KSR1: variants seen among roughly 807,000 people sequenced by gnomAD.
The protein encoded by KSR1 is kinase suppressor of ras.
KSR1 carries 35 observed loss-of-function variants against 92.9 expected under a neutral mutation model. The observed-to-expected ratio is 0.38, with a 90% confidence interval of 0.29 to 0.50. The LOEUF is 0.50. Ranked by LOEUF, KSR1 falls within the 20% of genes least tolerant of loss-of-function variation. The pLI, the probability that KSR1 is intolerant of heterozygous loss-of-function variation, is 0.94. For synonymous variants in KSR1, 467 were observed against 472.6 expected (o/e 0.99, Z 0.15); for missense variants, 972 against 1,158.5 (o/e 0.84, Z 2.34).
intron 1 of KSR1, among the ~76,000 whole-genome samples, chr17:27,521,032 G>C (rs192126751): frequency 1.2e-4 from 18 of 152,308 alleles, no homozygotes; most frequent in African/African-American, 4.3e-4. Flanking sequence ...AGCACTTGTG[G>C]CTGTCACCAG....
chr17:27,494,804 C>T (rs180853829), intron 1 of KSR1, among the ~76,000 whole-genome samples: 7 of 152,198 alleles, frequency 4.6e-5, no homozygotes, highest in Non-Finnish European at 8.8e-5. Context: ...TGCCATTGGG[C>T]GGTGTCCCTT....
chr17:27,611,928 G>A (rs1353000940), intron 18 of KSR1, among the ~76,000 whole-genome samples: 1 of 151,608 alleles, frequency 6.6e-6, no homozygotes, highest in Non-Finnish European at 1.5e-5. Context: ...AGAAAGTAAA[G>A]CCCCATGTTA....
rs372635497 is a variant in KSR1, at chr17:27,588,622, C to G, written c.1046+87C>G. ...AGGAGTTCTGGTCACTGTTTCTCAGCGAGCTCTTTGCCTCTGACGGGCCTG... is the reference window on the plus strand; with the variant it reads ...AGGAGTTCTGGTCACTGTTTCTCAGGGAGCTCTTTGCCTCTGACGGGCCTG... On this transcript the variant is annotated intron_variant, in intron 6 of 20. Coordinates refer to ENST00000644974, the MANE Select transcript of KSR1 (RefSeq NM_001394583.1). 3 of 1,243,006 alleles carry G rather than the reference C, an allele frequency of 2.4e-6. No homozygotes were observed. In the East Asian group the frequency reaches 7.9e-5, roughly 33 times the overall value. 77.0% of individuals were successfully genotyped at this position (1,243,006 alleles called of 1,614,324 possible). A position where few individuals can be genotyped will look rare whatever the true frequency, so the allele number is the denominator to read the frequency against.
At chr17:27,550,061 A>T (rs908314273) in intron 1 of KSR1, among the ~76,000 whole-genome samples, 7 of 152,028 alleles carry the variant, frequency 4.6e-5, no homozygotes, top group African/African-American at 1.4e-4. Flanking sequence ...TTTACCCGAG[A>T]CAGGGTCTTG....
chr17:27,514,660 CAAAAA>C (rs1177388900), intron 1 of KSR1, among the ~76,000 whole-genome samples: 6 of 92,668 alleles, frequency 6.5e-5, no homozygotes, highest in African/African-American at 1.4e-4. Flanking sequence ...AACTCCATCT[CAAAAA>C]AAAAAAAAAA....
chr17:27,459,190 C>T lies in KSR1; in HGVS notation c.231+2316C>T, dbSNP rs2019321320. 6.6e-6 allele frequency among the ~76,000 whole-genome samples: 1 copy of T among 152,156 alleles called. No individual in the cohort carries two copies. ...CATGACTTCTGAATCTCAAGCTCTC[C>T]TGTCTGTAAAATAGGAACGAGACTG... On this transcript the variant is annotated intron_variant, in intron 1 of 20. Coordinates refer to ENST00000644974, the MANE Select transcript of KSR1 (RefSeq NM_001394583.1). This position sits in a 1 kb window ranked among gnomAD's most constrained non-coding sequence, Gnocchi z 4.6.
chr17:27,589,629 TAC>T (rs1000973402), intron 6 of KSR1, among the ~76,000 whole-genome samples: 2 of 152,184 alleles, frequency 1.3e-5, no homozygotes, highest in East Asian at 3.8e-4. Context: ...TACTGTGATA[TAC>T]GTTAAAAAAA....
At chr17:27,609,743 G>T (rs2073862901) in intron 16 of KSR1, 1 of 345,390 alleles carries the variant, frequency 2.9e-6, no homozygotes, top group Non-Finnish European at 5.3e-6. Flanking sequence ...CCAAGTTTGA[G>T]ATCCACAGGC....
intron 2 of KSR1, among the ~76,000 whole-genome samples, chr17:27,566,062 TG>T (rs1266415699): frequency 6.6e-6 from 1 of 152,084 alleles, no homozygotes; most frequent in African/African-American, 2.4e-5. Context: ...TGCAGGGGCT[TG>T]GGGGCAGTTG....
At chr17:27,526,733 GT>G in intron 1 of KSR1, 1 of 1,268,464 alleles carries the variant, frequency 7.9e-7, no homozygotes, top group South Asian at 1.2e-5. Flanking sequence ...CCTCTCACGT[GT>G]TGGAAAACGT....
intron 11 of KSR1, among the ~76,000 whole-genome samples, chr17:27,602,665 T>A (rs1598125995): frequency 6.6e-6 from 1 of 152,200 alleles, no homozygotes; most frequent in Admixed American, 6.5e-5. Flanking sequence ...TGTGTTTGCC[T>A]CCTTTGGAAC....
chr17:27,570,927 C>T (rs868752239), intron 2 of KSR1, among the ~76,000 whole-genome samples: 2 of 152,210 alleles, frequency 1.3e-5, no homozygotes, highest in African/African-American at 2.4e-5. Flanking sequence ...TGGAAAATTC[C>T]AGGGCACAAC....
chr17:27,530,329 C>T (rs984162858), intron 1 of KSR1, among the ~76,000 whole-genome samples: 3 of 151,960 alleles, frequency 2.0e-5, no homozygotes, highest in East Asian at 1.9e-4. Context: ...GCAGTGGTCC[C>T]GGGTACTCAG....
At chr17:27,532,002 A>T (rs576011070) in intron 1 of KSR1, among the ~76,000 whole-genome samples, 1 of 151,948 alleles carries the variant, frequency 6.6e-6, no homozygotes, top group African/African-American at 2.4e-5. Flanking sequence ...GGACAGAACC[A>T]GGAGACCGTC....
chr17:27,526,664 A>T, intron 1 of KSR1: 1 of 1,555,956 alleles, frequency 6.4e-7, no homozygotes, highest in Non-Finnish European at 8.9e-7. Context: ...GATTTTGCTC[A>T]TGTAGTTTTT....
chr17:27,507,563 CTTTTTTTTTTTTTTT>C (rs751092460), intron 1 of KSR1, among the ~76,000 whole-genome samples: 10 of 43,324 alleles, frequency 2.3e-4, no homozygotes, highest in East Asian at 9.1e-4. Flanking sequence ...TATTGTTTGG[CTTTTTTTTTTTTTTT>C]TTTTTTTTTT....
intron 1 of KSR1, among the ~76,000 whole-genome samples, chr17:27,536,945 G>A (rs1488386600): frequency 6.6e-6 from 1 of 152,204 alleles, no homozygotes; most frequent in Non-Finnish European, 1.5e-5. Context: ...CTTTGTGGCC[G>A]TCTTCAATCT....
chr17:27,525,747 T>TG (rs2070233080), intron 1 of KSR1, among the ~76,000 whole-genome samples: 1 of 152,228 alleles, frequency 6.6e-6, no homozygotes, highest in African/African-American at 2.4e-5. Context: ...CAGCTGACCT[T>TG]GGTGTTCCTG....
intron 1 of KSR1, among the ~76,000 whole-genome samples, chr17:27,484,104 G>A (rs891624408): frequency 6.6e-6 from 1 of 152,204 alleles, no homozygotes; most frequent in African/African-American, 2.4e-5. Flanking sequence ...TTTGCTGGAA[G>A]CAGACAGAGA....
Sources: gnomAD v4.1 joint callset for allele counts (sites outside exome capture counted in the v4.1 genomes callset) on GRCh38, gnomAD v4.1.1 for gene constraint, Gnocchi (gnomAD v3.1) non-coding constraint, MANE v1.5 for transcripts, NCBI Gene and HGNC (gene_info 2026-07-23, HGNC 2026-07-21) for gene names.